The following MIPOL1 variants were observed in gnomAD, a reference collection of about 807,000 sequenced individuals.
The protein encoded by MIPOL1 is mirror-image polydactyly gene 1 protein.
Under a neutral mutation model 60.9 loss-of-function variants are expected in MIPOL1, and 57 were observed. That is an observed-to-expected ratio of 0.94 (90% CI 0.76 to 1.17). The LOEUF is 1.17. MIPOL1 is among the 50% of genes most tolerant of loss of function. MIPOL1 has a pLI of 0.00. For missense variants in MIPOL1, 551 were observed against 511.6 expected (o/e 1.08, Z -0.74); for synonymous variants, 179 against 168.8 (o/e 1.06, Z -0.47).
chr14:37,487,823 C>T (rs939040458), intron 11 of MIPOL1, among the ~76,000 whole-genome samples: 2 of 152,166 alleles, frequency 1.3e-5, no homozygotes, highest in Admixed American at 1.3e-4. Flanking sequence ...CTTTCTGTGT[C>T]TCTATCTCCT....
chr14:37,446,037 C>G (rs1300041225), intron 11 of MIPOL1, among the ~76,000 whole-genome samples: 1 of 152,018 alleles, frequency 6.6e-6, no homozygotes, highest in Non-Finnish European at 1.5e-5. Context: ...TCTAAAACAC[C>G]AAAAGCAATG....
At chr14:37,398,788 T>C (rs1393248584) in intron 10 of MIPOL1, among the ~76,000 whole-genome samples, 1 of 152,156 alleles carries the variant, frequency 6.6e-6, no homozygotes, top group Non-Finnish European at 1.5e-5. Flanking sequence ...ATATGAAGTT[T>C]ATAGACTAAA....
intron 1 of MIPOL1, among the ~76,000 whole-genome samples, chr14:37,238,581 C>A (rs1280870172): frequency 3.3e-5 from 5 of 152,106 alleles, no homozygotes; most frequent in Admixed American, 2.6e-4. Context: ...GTTAGTCATA[C>A]AGCCATTTTG....
intron 7 of MIPOL1, among the ~76,000 whole-genome samples, chr14:37,303,465 A>C (rs778525480): frequency 7.2e-5 from 11 of 151,908 alleles, no homozygotes; most frequent in African/African-American, 2.4e-4. Context: ...GGTTTATTCT[A>C]TCTCTTTAAC....
At chr14:37,420,132 A>G (rs895126832) in intron 10 of MIPOL1, among the ~76,000 whole-genome samples, 1 of 151,808 alleles carries the variant, frequency 6.6e-6, no homozygotes, top group African/African-American at 2.4e-5. Flanking sequence ...AACAGTGTGT[A>G]TAAAGCGCTA....
At chr14:37,480,053 T>A (rs1012635764) in intron 11 of MIPOL1, among the ~76,000 whole-genome samples, 12 of 151,834 alleles carry the variant, frequency 7.9e-5, no homozygotes, top group South Asian at 4.1e-4. Context: ...ATAAAAAAAA[T>A]TTCATAAAAA....
intron 11 of MIPOL1, among the ~76,000 whole-genome samples, chr14:37,489,485 C>G (rs1228220729): frequency 6.6e-6 from 1 of 152,120 alleles, no homozygotes; most frequent in Non-Finnish European, 1.5e-5. Context: ...AGTTTTATTC[C>G]CTTGCTGGCA....
intron 11 of MIPOL1, among the ~76,000 whole-genome samples, chr14:37,483,168 A>G (rs2094898022): frequency 1.4e-5 from 2 of 147,658 alleles, no homozygotes; most frequent in Non-Finnish European, 3.0e-5. Flanking sequence ...GCTTCAGTGC[A>G]GTGGCATGAT....
rs1350477492 is a variant in MIPOL1, at chr14:37,487,044, AG to A, written c.1032-12860del. ...AGTTTATTGAGAGTTTTTAGCATTA[AG>A]GGGTGTTGAATTTTGTTGAAGGCCT... is the stretch of plus-strand genomic sequence containing the variant. On this transcript the variant is annotated intron_variant, in intron 11 of 12. Transcript: ENST00000684589. 5.0e-4 allele frequency among the ~76,000 whole-genome samples: 76 copies of A among 152,258 alleles called. 1 individual carries two copies. The highest frequency in any genetic ancestry group is 4.7e-3 in the Admixed American group (72 of 15,282).
chr14:37,345,267 C>G (rs564409043), intron 9 of MIPOL1, among the ~76,000 whole-genome samples: 1 of 151,676 alleles, frequency 6.6e-6, no homozygotes, highest in African/African-American at 2.4e-5. Context: ...CAATGTCTGG[C>G]TAATATTTTT....
chr14:37,521,893 A>ATATATAT (rs1555367650), intron 12 of MIPOL1, among the ~76,000 whole-genome samples: 1 of 123,576 alleles, frequency 8.1e-6, no homozygotes, highest in East Asian at 2.3e-4. Context: ...AAGAAAAAAA[A>ATATATAT]ATATATATAT....
intron 10 of MIPOL1, among the ~76,000 whole-genome samples, chr14:37,420,485 TAA>T (rs1450788855): frequency 6.6e-6 from 1 of 152,208 alleles, no homozygotes; most frequent in Non-Finnish European, 1.5e-5. Flanking sequence ...ATATTTTTGA[TAA>T]GAGACTTATT....
chr14:37,302,262 G>GTTTTTTTTTTTTT (rs57468146), intron 7 of MIPOL1, among the ~76,000 whole-genome samples: 1 of 95,032 alleles, frequency 1.1e-5, no homozygotes. Flanking sequence ...TGGAACTGTT[G>GTTTTTTTTTTTTT]TTTTTTTTTT....
At position 37,308,506 on chromosome 14, in the gene MIPOL1, C is replaced by T. The variant is rs559878517; in HGVS notation, c.815C>T (p.Ala272Val). The T allele has an allele frequency of 1.9e-5, 30 of 1,580,538 alleles. No individual in the cohort carries two copies. In the East Asian group the frequency reaches 6.6e-4, roughly 35 times the overall value. ...AGTGCACTAATAGAAGAACGGGATG[C>T]TGCCTTGTCTAAGGTAACTCTGCAT... is the stretch of plus-strand genomic sequence containing the variant. ...EMSALIEERDAALSKCKRLEQ... is the reference protein window; with the variant it reads ...EMSALIEERDVALSKCKRLEQ... The change falls in exon 9 of 13, where the codon GCT (alanine) becomes GTT (valine). Residue 272 changes from alanine to valine, a missense_variant. By Grantham distance (64) the Ala-to-Val change is moderately conservative. Coordinates refer to ENST00000684589, the MANE Select transcript of MIPOL1 (RefSeq NM_001388067.1).
chr14:37,455,408 T>C (rs1364467408), intron 11 of MIPOL1, among the ~76,000 whole-genome samples: 2 of 152,166 alleles, frequency 1.3e-5, no homozygotes, highest in Non-Finnish European at 2.9e-5. Context: ...CTTAAAACCA[T>C]TCAATAATAG....
chr14:37,377,405 T>C (rs1056819038), intron 10 of MIPOL1, among the ~76,000 whole-genome samples: 1 of 152,096 alleles, frequency 6.6e-6, no homozygotes, highest in Admixed American at 6.6e-5. Context: ...AGTCATTTTA[T>C]AGTCATGAGA....
rs537917786 is a variant in MIPOL1 at position 37,411,519 on chromosome 14, C to T, written c.937-11336C>T. Among the ~76,000 whole-genome samples the T allele has an allele frequency of 5.5e-4, 83 of 152,214 alleles. No individual in the cohort carries two copies. In the Middle Eastern group the frequency reaches 0.01, roughly 19 times the overall value. On this transcript the variant is annotated intron_variant, in intron 10 of 12. Coordinates refer to ENST00000684589, the MANE Select transcript of MIPOL1 (RefSeq NM_001388067.1). ...CTAACCAAAAGCTTATAAAGATCAT[C>T]AGAGATTCTGGGTAGTATGTAAACC...
At chr14:37,217,584 C>T (rs560234377) in intron 1 of MIPOL1, among the ~76,000 whole-genome samples, 1 of 152,162 alleles carries the variant, frequency 6.6e-6, no homozygotes, top group African/African-American at 2.4e-5. Context: ...AGTGATGGCT[C>T]AACATACACA....
At chr14:37,475,926 G>A (rs181912604) in intron 11 of MIPOL1, among the ~76,000 whole-genome samples, 1 of 152,204 alleles carries the variant, frequency 6.6e-6, no homozygotes, top group African/African-American at 2.4e-5. Flanking sequence ...CCCCACATAA[G>A]CTTTAAAAAT....
Sources: allele counts gnomAD v4.1 joint callset (sites outside exome capture counted in the v4.1 genomes callset), GRCh38; gene constraint gnomAD v4.1.1; transcripts MANE v1.5; gene names NCBI Gene and HGNC (gene_info 2026-07-23, HGNC 2026-07-21).